Variants in CYP4Z1 observed in about 807,000 individuals in gnomAD.
CYP4Z1 encodes cytochrome P450 family 4 subfamily Z member 1.
A neutral mutation model predicts 54.2 loss-of-function variants in CYP4Z1; 41 were observed. The ratio of observed to expected loss-of-function variants is 0.76; its 90% CI spans 0.59 to 0.98. The LOEUF is 0.98. Ranked by LOEUF, CYP4Z1 falls within the 50% of genes least tolerant of loss-of-function variation. The pLI, the probability that CYP4Z1 is intolerant of heterozygous loss-of-function variation, is 0.00. For missense variants in CYP4Z1, 513 were observed against 599.0 expected (o/e 0.86, Z 1.50); for synonymous variants, 163 against 206.2 (o/e 0.79, Z 1.79).
intron 6 of CYP4Z1, among the ~76,000 whole-genome samples, chr1:47,087,536 A>AT (rs1342360318): frequency 6.6e-6 from 1 of 152,170 alleles, no homozygotes; most frequent in Non-Finnish European, 1.5e-5. Context: ...ATTTTTGCAC[A>AT]TTGATTTTGT....
chr1:47,095,865 T>G (rs565365275), intron 7 of CYP4Z1, among the ~76,000 whole-genome samples: 1 of 152,334 alleles, frequency 6.6e-6, no homozygotes, highest in African/African-American at 2.4e-5. Flanking sequence ...AATAAATATT[T>G]GCTGAATTTA....
At position 47,117,992 on chromosome 1, in the gene CYP4Z1, A is replaced by G; in HGVS notation, c.*58A>G. The G allele has an allele frequency of 6.5e-7, 1 of 1,527,288 alleles. No individual in the cohort carries two copies. Among genetic ancestry groups the G allele is most frequent in the Non-Finnish European group, 9.0e-7 (1 of 1,115,172 alleles). 94.6% of individuals were successfully genotyped at this position (1,527,288 alleles called of 1,614,324 possible). ...CAATTTTCCTACCAAAGGAAGAACA[A>G]AAGGATAAATATAATACAAAATATA... On this transcript the variant is annotated 3_prime_UTR_variant, in exon 12 of 12. Transcript: ENST00000334194.
At chr1:47,094,012 T>C (rs1227923699) in intron 6 of CYP4Z1, among the ~76,000 whole-genome samples, 1 of 152,216 alleles carries the variant, frequency 6.6e-6, no homozygotes, top group East Asian at 1.9e-4. Context: ...TTTCTTTCTC[T>C]TGCCTGATTG....
chr1:47,104,866 G>A (rs1644746178), intron 8 of CYP4Z1, among the ~76,000 whole-genome samples: 1 of 152,094 alleles, frequency 6.6e-6, no homozygotes, highest in Admixed American at 6.5e-5. Flanking sequence ...AGATGAGAAT[G>A]GCAGCAGCTG....
chr1:47,102,056 T>C (rs1011608537), intron 8 of CYP4Z1, among the ~76,000 whole-genome samples: 1 of 152,194 alleles, frequency 6.6e-6, no homozygotes, highest in Non-Finnish European at 1.5e-5. Context: ...TTCTCTGATA[T>C]AAACATAGCT....
intron 6 of CYP4Z1, among the ~76,000 whole-genome samples, chr1:47,091,178 G>A (rs542281882): frequency 7.2e-6 from 1 of 139,226 alleles, no homozygotes; most frequent in African/African-American, 3.0e-5. Context: ...GTATGCCCTT[G>A]AGAAGTGGCC....
chr1:47,056,225 T>C, the CYP4Z1 span, among the ~76,000 whole-genome samples: 7 of 152,076 alleles, frequency 4.6e-5, no homozygotes, highest in African/African-American at 1.2e-4. Flanking sequence ...TGTAGTTGAG[T>C]GGTTTTGAGT....
chr1:47,084,506 A>C, intron 4 of CYP4Z1, 114 bp from the exon 5 acceptor site: 1 of 1,470,096 alleles, frequency 6.8e-7, no homozygotes, highest in South Asian at 1.4e-5. Context: ...AGGCAAATTC[A>C]TTTTGTACGC....
intron 6 of CYP4Z1, among the ~76,000 whole-genome samples, chr1:47,091,728 A>G (rs1469531730): frequency 6.7e-6 from 1 of 149,804 alleles, no homozygotes; most frequent in Non-Finnish European, 1.5e-5. Context: ...GTAAACAGTT[A>G]AATTATTTCC....
chr1:47,066,540 C>G (rs1471888098), upstream of CYP4Z1, among the ~76,000 whole-genome samples: 1 of 152,104 alleles, frequency 6.6e-6, no homozygotes, highest in Non-Finnish European at 1.5e-5. Flanking sequence ...TAACAATAAA[C>G]CCACAGCCAA....
At chr1:47,086,584 C>A (rs1644596550) in intron 6 of CYP4Z1, among the ~76,000 whole-genome samples, 1 of 152,084 alleles carries the variant, frequency 6.6e-6, no homozygotes, top group African/African-American at 2.4e-5. Context: ...TTTGTAGATT[C>A]TGGATATTAG....
At chr1:47,058,247 T>C in the CYP4Z1 span, among the ~76,000 whole-genome samples, 4 of 152,096 alleles carry the variant, frequency 2.6e-5, no homozygotes, top group Non-Finnish European at 5.9e-5. Flanking sequence ...GAATAAAATT[T>C]TGTGAATTTG....
intron 7 of CYP4Z1, 59 bp from the exon 8 acceptor site, chr1:47,099,035 T>C (rs1160462029): frequency 1.1e-5 from 17 of 1,565,066 alleles, no homozygotes; most frequent in Middle Eastern, 1.7e-4. Flanking sequence ...ATTGCTACAA[T>C]TGAAAAAGAT....
chr1:47,098,268 C>G (rs1569738551), intron 7 of CYP4Z1, among the ~76,000 whole-genome samples: 1 of 152,178 alleles, frequency 6.6e-6, no homozygotes, highest in African/African-American at 2.4e-5. Context: ...TGCTTTCCCA[C>G]TTGTTTGTGT....
At chr1:47,062,643 T>C (rs755767805), upstream of CYP4Z1, among the ~76,000 whole-genome samples, 16 of 152,058 alleles carry the variant, frequency 1.1e-4, no homozygotes, top group Admixed American at 2.0e-4. Flanking sequence ...TATAGCTCCA[T>C]TGGACTGGGA....
At chr1:47,062,623 C>A (rs529783609), upstream of CYP4Z1, among the ~76,000 whole-genome samples, 1 of 152,048 alleles carries the variant, frequency 6.6e-6, no homozygotes, top group South Asian at 2.1e-4. Context: ...AGCCATAATA[C>A]CCCTGGGAAT....
At chr1:47,058,383 C>T in the CYP4Z1 span, among the ~76,000 whole-genome samples, 1 of 152,008 alleles carries the variant, frequency 6.6e-6, no homozygotes, top group African/African-American at 2.4e-5. Context: ...TTTCTGGTTC[C>T]CCTACACTCT....
intron 7 of CYP4Z1, among the ~76,000 whole-genome samples, chr1:47,094,934 G>C (rs184591408): frequency 1.3e-5 from 2 of 152,140 alleles, no homozygotes; most frequent in East Asian, 3.9e-4. Flanking sequence ...TTTGAACCCA[G>C]GAGGTGGTAG....
chr1:47,095,632 T>G (rs1644671684), intron 7 of CYP4Z1, among the ~76,000 whole-genome samples: 1 of 152,258 alleles, frequency 6.6e-6, no homozygotes, highest in South Asian at 2.1e-4. Context: ...GCCAAGCATC[T>G]TCAACCTTTA....
Sources: allele counts gnomAD v4.1 joint callset (sites outside exome capture counted in the v4.1 genomes callset), GRCh38; gene constraint gnomAD v4.1.1; transcripts MANE v1.5; gene names NCBI Gene and HGNC (gene_info 2026-07-23, HGNC 2026-07-21).